The following PRH1 variants were observed in gnomAD, a reference collection of about 807,000 sequenced individuals.
The protein encoded by PRH1 is salivary acidic proline-rich phosphoprotein 1/2.
Under a neutral mutation model 7.9 loss-of-function variants are expected in PRH1, and 7 were observed. The ratio of observed to expected loss-of-function variants is 0.89; its 90% confidence interval spans 0.50 to 1.67. PRH1 has a LOEUF of 1.67. Ranked by LOEUF, PRH1 falls within the 40% of genes most tolerant of loss-of-function variation. The pLI, the probability that PRH1 is intolerant of heterozygous loss-of-function variation, is 0.00. For missense variants in PRH1, 109 were observed against 223.6 expected, an observed-to-expected ratio of 0.49 and a Z score of 3.27; for synonymous variants, 45 against 80.8, an observed-to-expected ratio of 0.56 and a Z score of 2.38.
chr12:10,952,396 CA>C (rs1937726355), intron 2 of PRH1, among the ~76,000 whole-genome samples: 1 of 152,202 alleles, frequency 6.6e-6, no homozygotes, highest in East Asian at 1.9e-4. Flanking sequence ...CATCACGTCA[CA>C]GAAAGCTTTT....
At chr12:11,002,996 T>A (rs1940663774) in intron 1 of PRH1, among the ~76,000 whole-genome samples, 1 of 151,984 alleles carries the variant, frequency 6.6e-6, no homozygotes, top group Non-Finnish European at 1.5e-5. Flanking sequence ...GCTGCCAATT[T>A]GAAACGTGTA....
chr12:11,039,602 T>C (rs1196453052), intron 1 of PRH1, among the ~76,000 whole-genome samples: 1 of 152,254 alleles, frequency 6.6e-6, no homozygotes, highest in South Asian at 2.1e-4. Flanking sequence ...ATTGGTTTTA[T>C]TACCTGGTAA....
intron 1 of PRH1, among the ~76,000 whole-genome samples, chr12:11,153,371 A>C (rs1330231867): frequency 6.6e-6 from 1 of 152,252 alleles, no homozygotes; most frequent in Non-Finnish European, 1.5e-5. Flanking sequence ...AATTTCTGCA[A>C]TAAATAAATC....
chr12:10,961,315 G>C (rs1415577568), intron 2 of PRH1, among the ~76,000 whole-genome samples: 1 of 150,898 alleles, frequency 6.6e-6, no homozygotes, highest in African/African-American at 2.5e-5. Flanking sequence ...AGATTGAGAA[G>C]AGGTGCCCAG....
Position 10,939,880 on chromosome 12 carries a change from A to G in PRH1, c.-59+33775T>C, listed in dbSNP as rs117769404. Among the ~76,000 whole-genome samples the G allele has an allele frequency of 7.6e-4, 115 of 152,286 alleles. 1 individual carries two copies. The South Asian group carries it at 8.7e-3, about 12-fold the overall frequency. On this transcript the variant is annotated intron_variant, in intron 2 of 3. Transcript: ENST00000539853. ...CATAAAAAAATATTTGTTACCTGTT[A>G]TCTGTTATATTTATTATCATTTGAA... is the stretch of plus-strand genomic sequence containing the variant.
At chr12:11,055,578 A>T (rs908036407) in intron 1 of PRH1, among the ~76,000 whole-genome samples, 3 of 152,268 alleles carry the variant, frequency 2.0e-5, no homozygotes, top group African/African-American at 7.2e-5. Flanking sequence ...AGCTCAAATT[A>T]ACTCCTATTC....
At chr12:11,128,164 T>G (rs1447106051) in intron 1 of PRH1, among the ~76,000 whole-genome samples, 3 of 151,670 alleles carry the variant, frequency 2.0e-5, no homozygotes, top group Non-Finnish European at 2.9e-5. Context: ...GTATAACTAT[T>G]CCTTGGGCAC....
upstream of PRH1, among the ~76,000 whole-genome samples, chr12:10,884,809 C>A (rs964382101): frequency 4.2e-4 from 64 of 152,292 alleles, no homozygotes; most frequent in African/African-American, 1.5e-3. Context: ...CACTCCCAGG[C>A]ACACATATAT....
At chr12:10,986,468 C>G in intron 1 of PRH1, 1 of 1,614,050 alleles carries the variant, frequency 6.2e-7, no homozygotes. Flanking sequence ...CCAACAGTAT[C>G]ACCAGAATGA....
At chr12:10,986,999 C>T in intron 1 of PRH1, 2 of 542,874 alleles carry the variant, frequency 3.7e-6, no homozygotes, top group Non-Finnish European at 6.0e-6. Flanking sequence ...ACACTGTGAC[C>T]AGTGTCAAAC....
At chr12:11,063,321 C>T (rs904072206) in intron 1 of PRH1, among the ~76,000 whole-genome samples, 3 of 152,068 alleles carry the variant, frequency 2.0e-5, no homozygotes, top group African/African-American at 7.2e-5. Flanking sequence ...AAAATTACTA[C>T]ACTTTGCATA....
In PRH1 at chr12:11,082,470, A is replaced by AT. The variant is rs1265052567; in HGVS notation, n.124-35283dup. Among the ~76,000 whole-genome samples, 18 of 111,182 alleles carry AT rather than the reference A, an allele frequency of 1.6e-4. 3 individuals carry two copies. Among genetic ancestry groups the AT allele is most frequent in the Non-Finnish European group, 2.3e-4 (11 of 47,330 alleles). The allele number at this position is 111,182 out of a possible 152,430, so 72.9% of individuals were successfully genotyped here. ...CAGGTGGCTGCAACCACACCCAGCA[A>AT]TTTTTTTTTATTTTTTGTAGAGATG... On this transcript the variant is annotated intron_variant and non_coding_transcript_variant, in intron 1 of 4. Transcript: ENST00000541977.
chr12:11,110,372 T>G (rs1945552848), intron 1 of PRH1, among the ~76,000 whole-genome samples: 1 of 152,164 alleles, frequency 6.6e-6, no homozygotes, highest in Middle Eastern at 3.4e-3. Context: ...ATAGTCAGAT[T>G]CACCAAGGTT....
At position 10,901,095 on chromosome 12, in the gene PRH1, G is replaced by A. The variant is rs113926589; in HGVS notation, c.-58-16820C>T. Among the ~76,000 whole-genome samples the A allele has an allele frequency of 4.8e-3, 724 of 152,290 alleles. 7 individuals are homozygous for A. Among genetic ancestry groups the A allele is most frequent in the African/African-American group, 0.017 (695 of 41,560 alleles). ...AGCATTCAAAGCACCTGCTCACACAGACTGGCAACCTGTGCTGCCTCACCC... is the reference window on the plus strand; with the variant it reads ...AGCATTCAAAGCACCTGCTCACACAAACTGGCAACCTGTGCTGCCTCACCC... On this transcript the variant is annotated intron_variant, in intron 2 of 3. Transcript: ENST00000539853.
chr12:11,053,772 T>A (rs926213724), intron 1 of PRH1, among the ~76,000 whole-genome samples: 1 of 152,098 alleles, frequency 6.6e-6, no homozygotes, highest in African/African-American at 2.4e-5. Context: ...AGCACTAGAG[T>A]TAAGGGTGGT....
chr12:11,089,446 C>T (rs1367912770), intron 1 of PRH1, among the ~76,000 whole-genome samples: 3 of 33,378 alleles, frequency 9.0e-5, no homozygotes, highest in Non-Finnish European at 3.0e-4. Flanking sequence ...GCCAAGTACA[C>T]GCATCTGATG....
chr12:10,967,241 G>A lies in PRH1; in HGVS notation c.-59+6414C>T, dbSNP rs562233667. ...TTCCCACTTCAACTCTCTTAGAGTT[G>A]TATGTAAAGATATATAAATGGTGAA... On this transcript the variant is annotated intron_variant, in intron 2 of 3. Transcript: ENST00000539853. Among the ~76,000 whole-genome samples the A allele has an allele frequency of 2.0e-5, 3 of 152,036 alleles. No individual in the cohort carries two copies. The South Asian group carries it at 6.2e-4, about 32-fold the overall frequency.
upstream of PRH1, among the ~76,000 whole-genome samples, chr12:10,887,923 T>TC (rs35605082): frequency 0.5 from 76,686 of 151,958 alleles, 21,526 homozygotes; most frequent in East Asian, 0.73. Flanking sequence ...AAGGCGCTTA[T>TC]TTTAGAACAA....
At chr12:10,890,235 G>A (rs1428780824) in intron 2 of PRH1, among the ~76,000 whole-genome samples, 1 of 152,070 alleles carries the variant, frequency 6.6e-6, no homozygotes, top group African/African-American at 2.4e-5. Flanking sequence ...TAACATTTTT[G>A]GTGGTTTTCC....
Sources: gnomAD v4.1 joint callset for allele counts (sites outside exome capture counted in the v4.1 genomes callset) on GRCh38, gnomAD v4.1.1 for gene constraint, MANE v1.5 for transcripts, NCBI Gene and HGNC (gene_info 2026-07-23, HGNC 2026-07-21) for gene names.